ACSS3: variants seen among roughly 807,000 people sequenced by gnomAD.
ACSS3 encodes acyl-CoA synthetase short-chain family member 3, mitochondrial.
Under a neutral mutation model 84.2 loss-of-function variants are expected in ACSS3, and 64 were observed. That is an observed-to-expected ratio of 0.76 (90% CI 0.62 to 0.94). The LOEUF (loss-of-function observed/expected upper bound fraction) is 0.94, where lower values mean the gene tolerates loss of function less well. ACSS3 is among the 40% of genes least tolerant of loss of function. The pLI is 0.00. For synonymous variants in ACSS3, 317 were observed against 310.1 expected (o/e 1.02, Z -0.23); for missense variants, 815 against 867.6 (o/e 0.94, Z 0.76).
At chr12:81,143,034 G>T (rs1886165707) in intron 4 of ACSS3, 73 bp from the exon 5 acceptor site, 3 of 1,365,072 alleles carry the variant, frequency 2.2e-6, no homozygotes, top group African/African-American at 1.4e-5. Context: ...GACTTAAATA[G>T]ATTTAGCTAC....
intron 1 of ACSS3, among the ~76,000 whole-genome samples, chr12:81,107,497 G>T (rs1883118221): frequency 6.9e-5 from 4 of 57,828 alleles, no homozygotes; most frequent in African/African-American, 1.2e-4. Context: ...TTTTTTTTCA[G>T]GTACAAATAT....
intron 2 of ACSS3, among the ~76,000 whole-genome samples, chr12:81,131,251 A>T (rs147894287): frequency 3.3e-4 from 50 of 152,254 alleles, no homozygotes; most frequent in African/African-American, 1.1e-3. Context: ...AATTCTTCCC[A>T]TCCATGAGCA....
chr12:81,145,316 C>T (rs1886289796), intron 5 of ACSS3, among the ~76,000 whole-genome samples: 1 of 152,006 alleles, frequency 6.6e-6, no homozygotes. Flanking sequence ...AATGTACCAT[C>T]CTGAGACAAT....
intron 11 of ACSS3, among the ~76,000 whole-genome samples, chr12:81,225,447 G>A (rs2033242304): frequency 6.6e-6 from 1 of 151,886 alleles, no homozygotes; most frequent in South Asian, 2.1e-4. Context: ...TGTGAATGAT[G>A]AAGTAGTTTT....
At chr12:81,161,553 T>C (rs1887149208) in intron 7 of ACSS3, among the ~76,000 whole-genome samples, 1 of 152,234 alleles carries the variant, frequency 6.6e-6, no homozygotes, top group Non-Finnish European at 1.5e-5. Flanking sequence ...TGATAATCTC[T>C]TACTGAATGC....
At chr12:81,151,547 C>T in intron 5 of ACSS3, 1 of 244,618 alleles carries the variant, frequency 4.1e-6, no homozygotes, top group Non-Finnish European at 7.8e-6. Context: ...TGTGTGGTGC[C>T]ATTAGAAAAG....
chr12:81,081,184 G>A (rs571889350), intron 1 of ACSS3, among the ~76,000 whole-genome samples: 1 of 152,292 alleles, frequency 6.6e-6, no homozygotes, highest in South Asian at 2.1e-4. Context: ...TTGCATATTA[G>A]CTTTCACAAT....
At chr12:81,212,295 A>G (rs2032624603) in intron 9 of ACSS3, among the ~76,000 whole-genome samples, 1 of 152,222 alleles carries the variant, frequency 6.6e-6, no homozygotes, top group Non-Finnish European at 1.5e-5. Context: ...TTCTAACAAC[A>G]GCACCTAGCA....
At chr12:81,159,025 A>G (rs1045359656) in intron 7 of ACSS3, among the ~76,000 whole-genome samples, 2 of 152,350 alleles carry the variant, frequency 1.3e-5, no homozygotes, top group Middle Eastern at 3.4e-3. Context: ...CTGAATGACA[A>G]TATCAGAAGA....
chr12:81,140,989 A>T (rs1267578241), intron 4 of ACSS3, among the ~76,000 whole-genome samples: 1 of 152,202 alleles, frequency 6.6e-6, no homozygotes, highest in Non-Finnish European at 1.5e-5. Flanking sequence ...GAGATAAAGA[A>T]ACTGAGTAAT....
At chr12:81,155,637 G>A (rs755222662) in intron 7 of ACSS3, among the ~76,000 whole-genome samples, 12 of 152,278 alleles carry the variant, frequency 7.9e-5, no homozygotes, top group Non-Finnish European at 1.2e-4. Context: ...ACAGTTTGTT[G>A]AATCTACTTA....
intron 9 of ACSS3, among the ~76,000 whole-genome samples, chr12:81,214,806 T>C (rs952119330): frequency 6.6e-6 from 1 of 152,240 alleles, no homozygotes; most frequent in Non-Finnish European, 1.5e-5. Flanking sequence ...GTTTGAACTC[T>C]AGGTAACTGG....
rs553286465 is a variant in ACSS3, at chr12:81,125,176, C to T, written c.457-9640C>T. ...TTGCAGTGAGCCGAGATTGCGCCAC[C>T]GCACTCCAGCCTGGGCAGAAGAGCG... is the stretch of plus-strand genomic sequence containing the variant. On this transcript the variant is annotated intron_variant, in intron 2 of 15. Coordinates refer to ENST00000548058, the MANE Select transcript of ACSS3 (RefSeq NM_024560.4). Among the ~76,000 whole-genome samples the T allele has an allele frequency of 4.6e-5, 7 of 152,118 alleles. No homozygotes were observed. In the South Asian group the frequency reaches 6.2e-4, roughly 14 times the overall value.
At chr12:81,180,345 CAT>C (rs2030841525) in intron 8 of ACSS3, among the ~76,000 whole-genome samples, 2 of 152,196 alleles carry the variant, frequency 1.3e-5, no homozygotes, top group African/African-American at 2.4e-5. Context: ...CAAATCTGCA[CAT>C]GTGACCCCTG....
At chr12:81,235,466 G>A (rs2135978350) in intron 13 of ACSS3, among the ~76,000 whole-genome samples, 2 of 151,326 alleles carry the variant, frequency 1.3e-5, no homozygotes, top group South Asian at 2.1e-4. Flanking sequence ...AGCTATACTA[G>A]TTCCTTTAGG....
At chr12:81,137,302 C>G (rs146910222) in intron 3 of ACSS3, among the ~76,000 whole-genome samples, 25 of 148,356 alleles carry the variant, frequency 1.7e-4, no homozygotes, top group African/African-American at 5.2e-4. Flanking sequence ...TGGTGTACCA[C>G]TTAAGGAATT....
chr12:81,129,596 GA>G, intron 2 of ACSS3, among the ~76,000 whole-genome samples: 1 of 135,586 alleles, frequency 7.4e-6, no homozygotes, highest in East Asian at 2.4e-4. Context: ...TGTGACCTGC[GA>G]TTTTGAGATC....
At chr12:81,151,815 G>T (rs767878412) in intron 5 of ACSS3, 29 bp from the exon 6 acceptor site, 6 of 1,592,880 alleles carry the variant, frequency 3.8e-6, no homozygotes, top group East Asian at 4.5e-5. Context: ...ATTGTTTATT[G>T]ATTTTAATTT....
chr12:81,209,705 G>C (rs578095873), intron 9 of ACSS3, among the ~76,000 whole-genome samples: 4 of 152,146 alleles, frequency 2.6e-5, no homozygotes, highest in African/African-American at 9.7e-5. Flanking sequence ...AGAGCAGCCC[G>C]AACGGCTACT....
Sources: allele counts gnomAD v4.1 joint callset (sites outside exome capture counted in the v4.1 genomes callset), GRCh38; gene constraint gnomAD v4.1.1; transcripts MANE v1.5; gene names NCBI Gene and HGNC (gene_info 2026-07-23, HGNC 2026-07-21).